The following ZNF365 variants were observed in gnomAD, a reference collection of about 807,000 sequenced individuals.
ZNF365 encodes protein ZNF365.
Under a neutral mutation model 35.0 loss-of-function variants are expected in ZNF365, and 22 were observed. That is an observed-to-expected ratio of 0.63 (90% confidence interval 0.45 to 0.90). ZNF365 has a LOEUF of 0.90. Ranked by LOEUF, ZNF365 falls within the 40% of genes least tolerant of loss-of-function variation. ZNF365 has a pLI of 0.00. For synonymous variants in ZNF365, 188 were observed against 196.2 expected (o/e 0.96, Z 0.35); for missense variants, 448 against 500.3 (o/e 0.90, Z 1.00).
At chr10:62,440,638 A>G (rs1430100543) in intron 3 of ZNF365, among the ~76,000 whole-genome samples, 2 of 152,218 alleles carry the variant, frequency 1.3e-5, no homozygotes, top group Non-Finnish European at 2.9e-5. Context: ...GTTCCTTGAA[A>G]TGAAAATACT....
chr10:62,388,215 C>G (rs1839555920), intron 2 of ZNF365, among the ~76,000 whole-genome samples, 181 bp from the exon 3 acceptor site: 1 of 152,122 alleles, frequency 6.6e-6, no homozygotes, highest in Admixed American at 6.5e-5. Flanking sequence ...GACTATCTTC[C>G]TCTATTAAAA....
chr10:62,448,436 G>A (rs1840625368), intron 3 of ZNF365, among the ~76,000 whole-genome samples: 2 of 152,172 alleles, frequency 1.3e-5, no homozygotes, highest in Non-Finnish European at 2.9e-5. Context: ...CAATGTGGAG[G>A]CAGAGCTGAG....
chr10:62,449,039 A>T (rs1840636432), intron 3 of ZNF365, among the ~76,000 whole-genome samples: 1 of 152,178 alleles, frequency 6.6e-6, no homozygotes, highest in Non-Finnish European at 1.5e-5. Context: ...GCCAAAATGG[A>T]TCCAATGTGG....
chr10:62,379,622 G>A (rs988521173), intron 2 of ZNF365, among the ~76,000 whole-genome samples: 2 of 152,074 alleles, frequency 1.3e-5, no homozygotes, highest in African/African-American at 4.8e-5. Flanking sequence ...CTCAGTGTCT[G>A]CAGCGTCTGG....
At chr10:62,453,520 C>T (rs1840717436) in intron 3 of ZNF365, among the ~76,000 whole-genome samples, 1 of 152,184 alleles carries the variant, frequency 6.6e-6, no homozygotes, top group Non-Finnish European at 1.5e-5. Flanking sequence ...TTTCCTTATC[C>T]AATCATCTGT....
chr10:62,379,498 G>A (rs533711272), intron 2 of ZNF365, among the ~76,000 whole-genome samples: 1 of 151,358 alleles, frequency 6.6e-6, no homozygotes, highest in Admixed American at 6.6e-5. Flanking sequence ...ATCAGTTTCT[G>A]TATTCAGGCC....
At chr10:62,427,101 G>A (rs567368224) in intron 3 of ZNF365, among the ~76,000 whole-genome samples, 2 of 152,252 alleles carry the variant, frequency 1.3e-5, no homozygotes, top group Admixed American at 1.3e-4. Flanking sequence ...AGCGCAACAC[G>A]TTACTCACAT....
At chr10:62,476,075 T>A (rs1841125609) in intron 4 of ZNF365, among the ~76,000 whole-genome samples, 1 of 152,130 alleles carries the variant, frequency 6.6e-6, no homozygotes, top group African/African-American at 2.4e-5. Context: ...TGGGTTTTCC[T>A]GTTCTATGTC....
chr10:62,465,059 G>A (rs1434059786), intron 4 of ZNF365, among the ~76,000 whole-genome samples: 46 of 152,228 alleles, frequency 3.0e-4, no homozygotes, highest in Admixed American at 3.0e-3. Context: ...CCAGATCCAA[G>A]CATCCCTTTG....
intron 3 of ZNF365, among the ~76,000 whole-genome samples, chr10:62,449,744 T>C (rs867321383): frequency 2.6e-5 from 4 of 152,026 alleles, no homozygotes; most frequent in Middle Eastern, 3.5e-3. Flanking sequence ...CACCTTCCCC[T>C]CAAAGTAGTT....
intron 2 of ZNF365, 36 bp from the exon 3 acceptor site, chr10:62,388,360 A>G (rs755060722): frequency 6.2e-7 from 1 of 1,612,964 alleles, no homozygotes; most frequent in Non-Finnish European, 8.5e-7. Flanking sequence ...CTTGCCTTAT[A>G]TTTCCCTTTT....
At chr10:62,377,555 T>C (rs552827655) in intron 2 of ZNF365, among the ~76,000 whole-genome samples, 2 of 144,408 alleles carry the variant, frequency 1.4e-5, no homozygotes, top group Admixed American at 1.4e-4. Context: ...ACTTGACTTT[T>C]TGGCAAATGA....
At chr10:62,467,914 C>T (rs578026662) in intron 4 of ZNF365, among the ~76,000 whole-genome samples, 1 of 152,266 alleles carries the variant, frequency 6.6e-6, no homozygotes, top group East Asian at 1.9e-4. Context: ...ATTTAATTCA[C>T]ACTGAGACCC....
At chr10:62,374,846 G>C (rs1313769916) in intron 1 of ZNF365, among the ~76,000 whole-genome samples, 3 of 152,162 alleles carry the variant, frequency 2.0e-5, no homozygotes, top group African/African-American at 4.8e-5. Context: ...TGCCCCCTTA[G>C]AATCCTGACT....
intron 3 of ZNF365, chr10:62,459,667 G>T (rs1274813090): frequency 8.8e-6 from 13 of 1,483,934 alleles, no homozygotes; most frequent in African/African-American, 1.4e-5. Flanking sequence ...GGCACTGCTT[G>T]TAGTCTTGCT....
At chr10:62,386,026 G>C (rs1349909161) in intron 2 of ZNF365, among the ~76,000 whole-genome samples, 1 of 152,078 alleles carries the variant, frequency 6.6e-6, no homozygotes, top group Non-Finnish European at 1.5e-5. Flanking sequence ...TGGATTCTCA[G>C]ACTCCAAATG....
chr10:62,436,993 TTATAA>T (rs1241896327), intron 3 of ZNF365, among the ~76,000 whole-genome samples: 3 of 152,210 alleles, frequency 2.0e-5, no homozygotes, highest in Non-Finnish European at 4.4e-5. Context: ...ATAAACTTTC[TTATAA>T]ATTCCACATA....
chr10:62,444,785 A>G (rs1840558444), intron 3 of ZNF365, among the ~76,000 whole-genome samples: 1 of 151,762 alleles, frequency 6.6e-6, no homozygotes, highest in African/African-American at 2.4e-5. Flanking sequence ...TTATTTTATT[A>G]TTATTATACT....
Position 62,376,441 on chromosome 10 carries a change from G to A in ZNF365, c.248G>A (p.Gly83Glu). ...LVTSSELLKP[G>E]KLQSSGNVVK... ...ACTTCCTCAGAACTCCTGAAACCGG[G>A]AAAATTGCAGAGCAGTGGCAACGTG... is the stretch of plus-strand genomic sequence containing the variant. The change falls in exon 2 of 5, where the codon GGA becomes GAA. Residue 83 changes from glycine (G) to glutamate (E), a missense_variant. Coordinates refer to ENST00000395254, the MANE Select transcript of ZNF365 (RefSeq NM_014951.3). The A allele has an allele frequency of 6.2e-7, 1 of 1,614,178 alleles. No individual in the cohort carries two copies. Among genetic ancestry groups the A allele is most frequent in the Non-Finnish European group, 8.5e-7 (1 of 1,180,038 alleles).
Sources: gnomAD v4.1 joint callset for allele counts (sites outside exome capture counted in the v4.1 genomes callset) on GRCh38, gnomAD v4.1.1 for gene constraint, MANE v1.5 for transcripts, NCBI Gene and HGNC (gene_info 2026-07-23, HGNC 2026-07-21) for gene names.